RBFOX1: variants seen among roughly 807,000 people sequenced by gnomAD.
RBFOX1 encodes the protein RNA binding fox-1 homolog 1, also known as RNA binding protein fox-1 homolog 1.
Under a neutral mutation model 57.7 loss-of-function variants are expected in RBFOX1, and 8 were observed. That is an observed-to-expected ratio of 0.14 (90% CI 0.08 to 0.25). The LOEUF is 0.25. RBFOX1 is among the 10% of genes least tolerant of loss of function. The probability of loss-of-function intolerance (pLI) is 1.00; values close to 1 mark genes in which losing one functional copy is unlikely to be tolerated. For synonymous variants in RBFOX1, 326 were observed against 222.4 expected (o/e 1.47, Z -4.15); for missense variants, 611 against 548.5 (o/e 1.11, Z -1.14).
chr16:6,780,190 TTTATATATTTTTATATATTTA>T (rs1398857116), intron 3 of RBFOX1, among the ~76,000 whole-genome samples: 892 of 36,058 alleles, frequency 0.025, 258 homozygotes, highest in African/African-American at 0.15. Flanking sequence ...TATATATATA[TTTATATATTTTTATATATTTA>T]TATATATTTA....
At chr16:5,859,040 A>G (rs953233174) in intron 3 of RBFOX1, among the ~76,000 whole-genome samples, 1 of 152,160 alleles carries the variant, frequency 6.6e-6, no homozygotes, top group South Asian at 2.1e-4. Flanking sequence ...CCCCATCTCT[A>G]CTAAAAATAC....
chr16:6,548,564 C>T (rs2096927119), intron 2 of RBFOX1, among the ~76,000 whole-genome samples: 1 of 152,088 alleles, frequency 6.6e-6, no homozygotes, highest in South Asian at 2.1e-4. Flanking sequence ...CAGGTAGTCA[C>T]AGGGATGACA....
At chr16:7,374,920 G>C (rs1475460833) in intron 4 of RBFOX1, among the ~76,000 whole-genome samples, 1 of 152,126 alleles carries the variant, frequency 6.6e-6, no homozygotes, top group African/African-American at 2.4e-5. Context: ...AGTATTTCAA[G>C]ACCTCTGCAC....
chr16:7,365,470 CAAG>C (rs1339265477), intron 4 of RBFOX1, among the ~76,000 whole-genome samples: 3 of 152,130 alleles, frequency 2.0e-5, no homozygotes, highest in Admixed American at 1.3e-4. Flanking sequence ...GAGTGATTCT[CAAG>C]AAGGAGTGAT....
At chr16:6,203,352 C>A (rs2097229185) in intron 1 of RBFOX1, among the ~76,000 whole-genome samples, 1 of 152,076 alleles carries the variant, frequency 6.6e-6, no homozygotes, top group African/African-American at 2.4e-5. Flanking sequence ...TAGTATTTGT[C>A]CTTCTGTGTC....
At chr16:7,136,908 C>G (rs751977572) in intron 4 of RBFOX1, among the ~76,000 whole-genome samples, 11 of 152,212 alleles carry the variant, frequency 7.2e-5, no homozygotes, top group Non-Finnish European at 1.3e-4. Context: ...AAGGAGGCAT[C>G]TAGAAGTTTG....
At chr16:5,863,513 A>G (rs1389931796) in intron 3 of RBFOX1, among the ~76,000 whole-genome samples, 2 of 152,318 alleles carry the variant, frequency 1.3e-5, no homozygotes, top group South Asian at 4.1e-4. Flanking sequence ...CCCAGCGTGC[A>G]GTCCAGCCAC....
chr16:7,024,842 C>T (rs546412428), intron 3 of RBFOX1, among the ~76,000 whole-genome samples: 53 of 152,272 alleles, frequency 3.5e-4, no homozygotes, highest in African/African-American at 1.1e-3. Flanking sequence ...TCACACGGGG[C>T]TGGGTGTCAC....
chr16:7,252,866 C>A (rs190272582), intron 4 of RBFOX1, among the ~76,000 whole-genome samples: 2 of 152,188 alleles, frequency 1.3e-5, no homozygotes, highest in East Asian at 3.9e-4. Flanking sequence ...CTTTCCCTAA[C>A]TCATATGACC....
rs566699818 is a variant in RBFOX1, at chr16:6,846,571, C to T, written c.-16+191921C>T. 1.6e-4 allele frequency among the ~76,000 whole-genome samples: 25 copies of T among 152,258 alleles called. No homozygotes were observed. In the South Asian group the frequency reaches 4.8e-3, roughly 29 times the overall value. On this transcript the variant is annotated intron_variant, in intron 3 of 15. Coordinates refer to ENST00000550418, the MANE Select transcript of RBFOX1 (RefSeq NM_018723.4). ...AGCTGTTCGGGGAGCTGCTGCAATG[C>T]GAGATTGGAGCTACAAATGTGGAAA...
chr16:6,035,516 T>C (rs1206046955), intron 1 of RBFOX1, among the ~76,000 whole-genome samples: 2 of 150,108 alleles, frequency 1.3e-5, no homozygotes, highest in East Asian at 4.4e-4. Context: ...AAAGTAGACT[T>C]ATAAAAAATT....
At chr16:5,510,825 C>T (rs2043557093) in intron 2 of RBFOX1, among the ~76,000 whole-genome samples, 1 of 152,062 alleles carries the variant, frequency 6.6e-6, no homozygotes, top group Non-Finnish European at 1.5e-5. Flanking sequence ...GCCTCCCAGC[C>T]CTCCACCCAT....
intron 4 of RBFOX1, among the ~76,000 whole-genome samples, chr16:5,955,798 A>G (rs187126788): frequency 3.3e-5 from 5 of 152,338 alleles, no homozygotes; most frequent in Admixed American, 1.3e-4. Flanking sequence ...TAGAAAAATG[A>G]GCAAAGTCAC....
chr16:6,675,166 A>G (rs1172742730), intron 3 of RBFOX1, among the ~76,000 whole-genome samples: 2 of 152,132 alleles, frequency 1.3e-5, no homozygotes, highest in Non-Finnish European at 2.9e-5. Flanking sequence ...GGCCTCCCAA[A>G]GTGCTGGGTT....
rs546961673 is a variant in RBFOX1 at position 7,293,886 on chromosome 16, C to G, written c.28-224261C>G. Among the ~76,000 whole-genome samples the G allele has an allele frequency of 6.6e-5, 10 of 152,178 alleles. 1 individual carries two copies. In the East Asian group the frequency reaches 1.9e-3, roughly 30 times the overall value. On this transcript the variant is annotated intron_variant, in intron 4 of 15. Transcript: ENST00000550418. ...CCTGGGGTGTCTTTGACCTGTGTTCCAGGATGAGACCCTGGGAAGGTCCAG... is the reference window on the plus strand; with the variant it reads ...CCTGGGGTGTCTTTGACCTGTGTTCGAGGATGAGACCCTGGGAAGGTCCAG...
At chr16:7,627,857 C>G (rs1282186536) in intron 10 of RBFOX1, among the ~76,000 whole-genome samples, 1 of 151,670 alleles carries the variant, frequency 6.6e-6, no homozygotes, top group African/African-American at 2.4e-5. Flanking sequence ...AAACAAAAAC[C>G]AAGTCCTGTG....
At chr16:5,756,226 A>C (rs2053390168) in intron 3 of RBFOX1, among the ~76,000 whole-genome samples, 1 of 105,694 alleles carries the variant, frequency 9.5e-6, no homozygotes, top group African/African-American at 6.0e-5. Flanking sequence ...ACATAAGCAA[A>C]AAAAAAAAAA....
At chr16:6,559,635 CA>C (rs2097153273) in intron 2 of RBFOX1, among the ~76,000 whole-genome samples, 1 of 152,004 alleles carries the variant, frequency 6.6e-6, no homozygotes, top group African/African-American at 2.4e-5. Flanking sequence ...TGTATACACA[CA>C]CACATATATG....
intron 1 of RBFOX1, among the ~76,000 whole-genome samples, chr16:6,302,942 T>C (rs1008532366): frequency 6.6e-6 from 1 of 152,214 alleles, no homozygotes; most frequent in Admixed American, 6.5e-5. Context: ...GAAAAAATGA[T>C]ATTATCAGTG....
Sources: gnomAD v4.1 joint callset for allele counts (sites outside exome capture counted in the v4.1 genomes callset) on GRCh38, gnomAD v4.1.1 for gene constraint, MANE v1.5 for transcripts, NCBI Gene and HGNC (gene_info 2026-07-23, HGNC 2026-07-21) for gene names.